The following GDAP1 variants were observed in gnomAD, a reference collection of about 807,000 sequenced individuals.
GDAP1 encodes ganglioside induced differentiation associated protein 1, also known as ganglioside-induced differentiation-associated protein 1.
Under a neutral mutation model 40.1 loss-of-function variants are expected in GDAP1, and 34 were observed. That is an observed-to-expected ratio of 0.85 (90% confidence interval 0.64 to 1.13). The LOEUF (loss-of-function observed/expected upper bound fraction) is 1.13. GDAP1 is among the 50% of genes most tolerant of loss of function. The probability of loss-of-function intolerance (pLI) is 0.00; values close to 1 mark genes in which losing one functional copy is unlikely to be tolerated. For synonymous variants in GDAP1, 170 were observed against 157.4 expected (o/e 1.08, Z -0.60); for missense variants, 374 against 433.7 (o/e 0.86, Z 1.22).
chr8:74,389,688 G>A (rs776654017), intron 2 of GDAP1, among the ~76,000 whole-genome samples: 31 of 152,178 alleles, frequency 2.0e-4, no homozygotes, highest in Non-Finnish European at 3.5e-4. Context: ...TCTTTGTGGT[G>A]TTCTCTGTAT....
In GDAP1 at chr8:74,383,528, C is replaced by CA. The variant is rs1280411159; in HGVS notation, c.165+32210dup. Among the ~76,000 whole-genome samples, 3 of 152,258 alleles carry CA rather than the reference C, an allele frequency of 2.0e-5. No individual in the cohort carries two copies. In the East Asian group the frequency reaches 5.8e-4, roughly 29 times the overall value. On this transcript the variant is annotated intron_variant, in intron 2 of 2. Transcript: ENST00000523640. ...TTAATAATCTGTTTTTCAGTTTCTA[C>CA]AAATATTTCCATCCTTAATTTAAAA...
intron 2 of GDAP1, among the ~76,000 whole-genome samples, chr8:74,476,537 A>T (rs1806631686): frequency 6.6e-6 from 1 of 152,170 alleles, no homozygotes; most frequent in African/African-American, 2.4e-5. Flanking sequence ...TCCTTTGCTT[A>T]TGAAGCTTAG....
intron 2 of GDAP1, among the ~76,000 whole-genome samples, chr8:74,401,135 T>A (rs1290368146): frequency 6.7e-6 from 1 of 149,210 alleles, no homozygotes; most frequent in Non-Finnish European, 1.5e-5. Flanking sequence ...CTGGATAATA[T>A]CCTGCAGAGT....
intron 2 of GDAP1, among the ~76,000 whole-genome samples, chr8:74,438,842 T>A (rs1806124995): frequency 2.6e-5 from 4 of 152,220 alleles, no homozygotes; most frequent in African/African-American, 9.6e-5. Flanking sequence ...CCTCAAGTAA[T>A]GCTCTTGCCT....
chr8:74,372,577 G>A (rs1809773390), intron 2 of GDAP1, among the ~76,000 whole-genome samples: 1 of 152,198 alleles, frequency 6.6e-6, no homozygotes. Context: ...CTTTTGAGAA[G>A]TGTCTGTTCA....
intron 2 of GDAP1, among the ~76,000 whole-genome samples, chr8:74,445,900 A>C (rs1392620326): frequency 6.6e-6 from 1 of 152,222 alleles, no homozygotes; most frequent in Non-Finnish European, 1.5e-5. Context: ...TATTGTCAAC[A>C]TGGCTTCTCA....
chr8:74,457,371 T>C (rs1412326462), intron 2 of GDAP1, among the ~76,000 whole-genome samples: 3 of 152,074 alleles, frequency 2.0e-5, no homozygotes, highest in East Asian at 1.9e-4. Flanking sequence ...TACTTAGATA[T>C]AGAATCCTTT....
chr8:74,366,150 C>A lies in GDAP1; in HGVS notation c.*1783C>A, dbSNP rs1255621902. 1 of 452,414 alleles carries A rather than the reference C, an allele frequency of 2.2e-6. No individual in the cohort carries two copies. Among genetic ancestry groups the A allele is most frequent in the South Asian group, 1.6e-5 (1 of 63,402 alleles). 28.0% of individuals were successfully genotyped at this position (452,414 alleles called of 1,614,324 possible). A position where few individuals can be genotyped will look rare whatever the true frequency, so the allele number is the denominator to read the frequency against. On this transcript the variant is annotated 3_prime_UTR_variant, in exon 6 of 6. Transcript: ENST00000220822. ...ATATTATTCCTGAATCATAGGGAATCTTTCTAGAATGTGTTTATAATTTCC... is the reference window on the plus strand; with the variant it reads ...ATATTATTCCTGAATCATAGGGAATATTTCTAGAATGTGTTTATAATTTCC...
chr8:74,458,561 A>T (rs964328453), intron 2 of GDAP1, among the ~76,000 whole-genome samples: 1 of 152,206 alleles, frequency 6.6e-6, no homozygotes, highest in African/African-American at 2.4e-5. Context: ...TGTATAGCAA[A>T]TGGAAAGAAG....
chr8:74,452,765 G>C (rs1806303397), intron 2 of GDAP1, among the ~76,000 whole-genome samples: 1 of 82,982 alleles, frequency 1.2e-5, no homozygotes. Flanking sequence ...ATCATCTTGG[G>C]ATTTGTTTCT....
intron 2 of GDAP1, among the ~76,000 whole-genome samples, chr8:74,405,566 C>A (rs1805627807): frequency 1.3e-5 from 2 of 149,940 alleles, no homozygotes; most frequent in Admixed American, 1.3e-4. Flanking sequence ...GGGCTAAGGA[C>A]CCTCTTTCAT....
intron 2 of GDAP1, among the ~76,000 whole-genome samples, chr8:74,472,285 G>A (rs1806567368): frequency 6.6e-6 from 1 of 152,154 alleles, no homozygotes; most frequent in African/African-American, 2.4e-5. Context: ...TTTTATGACT[G>A]CATAGTATTC....
intron 2 of GDAP1, among the ~76,000 whole-genome samples, chr8:74,395,222 C>A (rs1472345946): frequency 6.6e-6 from 1 of 152,144 alleles, no homozygotes; most frequent in African/African-American, 2.4e-5. Flanking sequence ...AGTATGGACA[C>A]CACTTCAATA....
In GDAP1 at chr8:74,400,073, G is replaced by A. The variant is rs1255422140; in HGVS notation, c.165+48752G>A. On this transcript the variant is annotated intron_variant, in intron 2 of 2. Coordinates refer to the GDAP1 transcript ENST00000523640. ...TGTAGATGTCTATTAGGTCCGCTTG[G>A]TGCAGAGCTGAGTTCAATTCCTGGG... is the stretch of plus-strand genomic sequence containing the variant. Among the ~76,000 whole-genome samples, 5 of 148,012 alleles carry A rather than the reference G, an allele frequency of 3.4e-5. No homozygotes were observed. The East Asian group carries it at 7.7e-4, about 23-fold the overall frequency.
chr8:74,361,084 C>T (rs56089044), intron 3 of GDAP1, among the ~76,000 whole-genome samples: 1 of 151,872 alleles, frequency 6.6e-6, no homozygotes, highest in Non-Finnish European at 1.5e-5. Context: ...CTTCCCTTTT[C>T]TCCCTTCTCT....
chr8:74,374,294 C>A (rs1411975551), intron 2 of GDAP1, among the ~76,000 whole-genome samples: 2 of 152,142 alleles, frequency 1.3e-5, no homozygotes, highest in East Asian at 3.8e-4. Context: ...GGAGGATTCC[C>A]TTGTTTTCTA....
rs906458818 is a variant in GDAP1 at position 74,471,044 on chromosome 8, G to T, written c.166-17634G>T. On this transcript the variant is annotated intron_variant, in intron 2 of 2. Coordinates refer to the GDAP1 transcript ENST00000523640. ...TCATGTGTCTTTTGGCTGCATAAAT[G>T]TCTTCTTTTGAGAGGTGTCTGTTCA... Among the ~76,000 whole-genome samples the T allele has an allele frequency of 4.6e-5, 7 of 152,212 alleles. 1 individual carries two copies. Among genetic ancestry groups the T allele is most frequent in the Non-Finnish European group, 1.0e-4 (7 of 68,048 alleles).
intron 2 of GDAP1, among the ~76,000 whole-genome samples, chr8:74,455,419 C>A (rs957471674): frequency 1.8e-4 from 28 of 151,778 alleles, no homozygotes; most frequent in African/African-American, 6.5e-4. Context: ...ATTATTTGTG[C>A]CATCAATGGT....
rs1809288442 is a variant in GDAP1 at position 74,360,176 on chromosome 8, A to G, written c.350A>G (p.Tyr117Cys). ...TTAATGCCTGATAAAGAAAGCATGT[A>G]TTACCCACGGGTACAACATTACCGA... Reference protein sequence around the residue: ...PRLMPDKESMYYPRVQHYREL... With the variant: ...PRLMPDKESMCYPRVQHYREL... Residue 117 changes from tyrosine to cysteine, a missense_variant, in exon 3 of 6, where the codon TAT becomes TGT. Tyr to Cys is a radical substitution (Grantham distance 194). Coordinates refer to ENST00000220822, the MANE Select transcript of GDAP1 (RefSeq NM_018972.4). The G allele has an allele frequency of 6.2e-7, 1 of 1,613,172 alleles. No homozygotes were observed. The highest frequency in any genetic ancestry group is 8.5e-7 in the Non-Finnish European group (1 of 1,179,100).
Sources: allele counts gnomAD v4.1 joint callset (sites outside exome capture counted in the v4.1 genomes callset), GRCh38; gene constraint gnomAD v4.1.1; transcripts MANE v1.5; gene names NCBI Gene and HGNC (gene_info 2026-07-23, HGNC 2026-07-21).